DLGAP2: variants seen among roughly 807,000 people sequenced by gnomAD.
The protein encoded by DLGAP2 is DLG associated protein 2, also known as disks large-associated protein 2.
Under a neutral mutation model 100.3 loss-of-function variants are expected in DLGAP2, and 26 were observed. That is an observed-to-expected ratio of 0.26 (90% CI 0.19 to 0.36). The LOEUF is 0.36. DLGAP2 is among the 10% of genes least tolerant of loss of function. DLGAP2 has a pLI of 1.00. For missense variants in DLGAP2, 1,858 were observed against 1,453.2 expected, an observed-to-expected ratio of 1.28 and a Z score of -4.53; for synonymous variants, 886 against 630.1, an observed-to-expected ratio of 1.41 and a Z score of -6.08.
At chr8:1,337,053 A>G (rs73170469) in intron 3 of DLGAP2, among the ~76,000 whole-genome samples, 30 of 152,304 alleles carry the variant, frequency 2.0e-4, no homozygotes, top group Non-Finnish European at 3.4e-4. Flanking sequence ...AGTAACCAGT[A>G]ATGACAGTGT....
At chr8:1,692,899 A>T (rs994372292) in intron 13 of DLGAP2, among the ~76,000 whole-genome samples, 13 of 147,994 alleles carry the variant, frequency 8.8e-5, no homozygotes, top group African/African-American at 2.5e-4. Context: ...CTTATATATA[A>T]ATATATATAC....
intron 2 of DLGAP2, among the ~76,000 whole-genome samples, chr8:1,018,369 A>G (rs1464683416): frequency 6.6e-6 from 1 of 152,186 alleles, no homozygotes; most frequent in Non-Finnish European, 1.5e-5. Context: ...CTGGGATTCT[A>G]TTTCGCATTA....
chr8:928,015 G>A (rs1798856001), intron 2 of DLGAP2, among the ~76,000 whole-genome samples: 1 of 152,202 alleles, frequency 6.6e-6, no homozygotes, highest in South Asian at 2.1e-4. Flanking sequence ...AAGGGATGCC[G>A]GCCAGCCATG....
Position 1,127,618 on chromosome 8 carries a change from C to CA in DLGAP2, c.74-131232dup, listed in dbSNP as rs1381900029. ...GAGGCCAAGCACTGAGAGGAGGGGA[C>CA]AGCCTGAGGGCAGCCCCAGGCCCCT... On this transcript the variant is annotated intron_variant, in intron 2 of 14. Coordinates refer to ENST00000637795, the MANE Select transcript of DLGAP2 (RefSeq NM_001346810.2). Among the ~76,000 whole-genome samples, 5 of 152,194 alleles carry CA rather than the reference C, an allele frequency of 3.3e-5. 1 individual carries two copies. The highest frequency in any genetic ancestry group is 7.2e-5 in the African/African-American group (3 of 41,458).
intron 3 of DLGAP2, among the ~76,000 whole-genome samples, chr8:1,278,515 T>C (rs1799752236): frequency 6.6e-6 from 1 of 152,240 alleles, no homozygotes; most frequent in Non-Finnish European, 1.5e-5. Flanking sequence ...TTCTGTTTAC[T>C]TACTGGTACT....
At chr8:1,139,154 G>A (rs1796477130) in intron 2 of DLGAP2, among the ~76,000 whole-genome samples, 1 of 152,240 alleles carries the variant, frequency 6.6e-6, no homozygotes, top group Non-Finnish European at 1.5e-5. Context: ...CTGGGGGGAT[G>A]TGGGCATGGG....
chr8:1,223,833 A>G (rs1432401211), intron 2 of DLGAP2, among the ~76,000 whole-genome samples: 1 of 152,208 alleles, frequency 6.6e-6, no homozygotes, highest in African/African-American at 2.4e-5. Context: ...AAGCACCCAT[A>G]TGCTCTATAT....
intron 2 of DLGAP2, among the ~76,000 whole-genome samples, chr8:1,021,934 CTT>C (rs1246254597): frequency 6.6e-6 from 1 of 152,178 alleles, no homozygotes; most frequent in Admixed American, 6.5e-5. Flanking sequence ...CATCTTCTCT[CTT>C]GATGTTAGCG....
chr8:1,567,462 A>G (rs1332284949), intron 6 of DLGAP2, among the ~76,000 whole-genome samples: 1 of 152,234 alleles, frequency 6.6e-6, no homozygotes, highest in South Asian at 2.1e-4. Flanking sequence ...TATGTTTGAA[A>G]GCAAAACATG....
rs1223068092 is a variant in DLGAP2 at position 1,467,963 on chromosome 8, G to C, written c.107-33403G>C. Among the ~76,000 whole-genome samples the C allele has an allele frequency of 2.0e-5, 3 of 152,232 alleles. No homozygotes were observed. The South Asian group carries it at 6.2e-4, about 32-fold the overall frequency. On this transcript the variant is annotated intron_variant, in intron 3 of 14. Coordinates refer to ENST00000637795, the MANE Select transcript of DLGAP2 (RefSeq NM_001346810.2). ...TTCTGAGGCTACACATTTTTGAAAA[G>C]TGTTACCCAGCTGGAACCGTGCTAA...
At chr8:1,489,718 T>A (rs1799323161) in intron 3 of DLGAP2, among the ~76,000 whole-genome samples, 1 of 152,204 alleles carries the variant, frequency 6.6e-6, no homozygotes, top group Admixed American at 6.5e-5. Flanking sequence ...CCAGCAGACA[T>A]TTTCCAAAGC....
chr8:1,512,522 C>T (rs759999404), intron 4 of DLGAP2, among the ~76,000 whole-genome samples: 3 of 152,100 alleles, frequency 2.0e-5, no homozygotes, highest in Non-Finnish European at 4.4e-5. Flanking sequence ...AGAAGACCCT[C>T]GGGTTGCACG....
At chr8:1,323,449 A>C (rs1800951699) in intron 3 of DLGAP2, among the ~76,000 whole-genome samples, 1 of 152,200 alleles carries the variant, frequency 6.6e-6, no homozygotes, top group Non-Finnish European at 1.5e-5. Context: ...TTTACGTGAC[A>C]ACCATGGCAA....
chr8:1,414,550 G>T (rs1248544311), intron 3 of DLGAP2, among the ~76,000 whole-genome samples: 1 of 152,212 alleles, frequency 6.6e-6, no homozygotes, highest in African/African-American at 2.4e-5. Flanking sequence ...CGGGCTGTGG[G>T]TCCCAGTGCA....
chr8:1,163,486 ATTAT>A (rs1796932705), intron 2 of DLGAP2, among the ~76,000 whole-genome samples: 1 of 152,204 alleles, frequency 6.6e-6, no homozygotes, highest in Non-Finnish European at 1.5e-5. Context: ...GCCAGTGACA[ATTAT>A]TTATTCACCA....
chr8:1,299,954 G>C (rs1304773317), intron 3 of DLGAP2: 1 of 152,246 alleles, frequency 6.6e-6, no homozygotes, highest in Non-Finnish European at 1.5e-5. Flanking sequence ...GGCGTGGGCA[G>C]ACCTGGCTCC....
intron 1 of DLGAP2, among the ~76,000 whole-genome samples, chr8:759,078 C>CTGACAG: frequency 4.1e-5 from 3 of 72,420 alleles, no homozygotes; most frequent in African/African-American, 1.2e-4. Flanking sequence ...ATCAATACCC[C>CTGACAG]CCACAGCCTT....
intron 3 of DLGAP2, among the ~76,000 whole-genome samples, chr8:1,459,626 T>C (rs1325525475): frequency 6.6e-6 from 1 of 151,912 alleles, no homozygotes; most frequent in African/African-American, 2.4e-5. Context: ...CCTAGAGCAC[T>C]CACAGAGCTG....
chr8:1,707,651 CCCGA>C lies in DLGAP2; in HGVS notation c.*6248_*6251del, dbSNP rs2130904782. The C allele has an allele frequency of 6.6e-6, 1 of 152,248 alleles. No homozygotes were observed. The highest frequency in any genetic ancestry group is 2.1e-4 in the South Asian group (1 of 4,826). 9.4% of individuals were successfully genotyped at this position (152,248 alleles called of 1,614,324 possible). A position where few individuals can be genotyped will look rare whatever the true frequency, so the allele number is the denominator to read the frequency against. On this transcript the variant is annotated 3_prime_UTR_variant, in exon 15 of 15. Coordinates refer to ENST00000637795, the MANE Select transcript of DLGAP2 (RefSeq NM_001346810.2). ...CCCTGCAGAGAGAGACAACTCATCCCCCGACCTTCCATACTACAGACCAAAATAC... is the reference window on the plus strand; with the variant it reads ...CCCTGCAGAGAGAGACAACTCATCCCCCTTCCATACTACAGACCAAAATAC...
Sources: allele counts gnomAD v4.1 joint callset (sites outside exome capture counted in the v4.1 genomes callset), GRCh38; gene constraint gnomAD v4.1.1; transcripts MANE v1.5; gene names NCBI Gene and HGNC (gene_info 2026-07-23, HGNC 2026-07-21).